The following SLC14A2 variants were observed in gnomAD, a reference collection of about 807,000 sequenced individuals.
SLC14A2 encodes the protein urea transporter 2.
In SLC14A2, 91 loss-of-function variants were observed where a neutral mutation model predicts 104.6. The observed-to-expected ratio is 0.87, with a 90% CI of 0.73 to 1.04. The LOEUF is 1.04. Among genes scored for constraint, SLC14A2 ranks in the 50% least tolerant of loss-of-function variants. The pLI is 0.00. For synonymous variants in SLC14A2, 476 were observed against 466.4 expected, an observed-to-expected ratio of 1.02 and a Z score of -0.27; for missense variants, 1,189 against 1,156.0, an observed-to-expected ratio of 1.03 and a Z score of -0.41.
In SLC14A2 at chr18:45,263,810, C is replaced by A. The variant is rs144862064; in HGVS notation, c.-125+50619C>A. ...GTTTAAAGCACTTTCTTGCTTTTAG[C>A]CACTGCAATATGTTCCAGGATCATT... On this transcript the variant is annotated intron_variant, in intron 1 of 20. Transcript: ENST00000586448. Among the ~76,000 whole-genome samples the A allele has an allele frequency of 3.6e-3, 546 of 152,272 alleles. 4 individuals are homozygous for A. Among genetic ancestry groups the A allele is most frequent in the African/African-American group, 0.013 (521 of 41,562 alleles).
chr18:45,255,452 C>T (rs1345594297), intron 1 of SLC14A2, among the ~76,000 whole-genome samples: 1 of 152,200 alleles, frequency 6.6e-6, no homozygotes, highest in Admixed American at 6.5e-5. Context: ...TCCGGGGCTC[C>T]ATTGTCCAGC....
At chr18:45,563,628 C>T (rs1354201201) in intron 2 of SLC14A2, among the ~76,000 whole-genome samples, 1 of 152,068 alleles carries the variant, frequency 6.6e-6, no homozygotes, top group African/African-American at 2.4e-5. Context: ...TATAATTTTT[C>T]AATATCATTT....
At chr18:45,241,868 C>G (rs1332172335) in intron 1 of SLC14A2, among the ~76,000 whole-genome samples, 2 of 151,976 alleles carry the variant, frequency 1.3e-5, no homozygotes, top group Non-Finnish European at 2.9e-5. Context: ...GTCTCGAACT[C>G]CCGACCTCAG....
intron 1 of SLC14A2, among the ~76,000 whole-genome samples, chr18:45,264,549 TCA>T (rs1251651352): frequency 6.6e-6 from 1 of 152,198 alleles, no homozygotes; most frequent in Non-Finnish European, 1.5e-5. Context: ...TTTAATGGAC[TCA>T]CAGTTCCACA....
intron 1 of SLC14A2, among the ~76,000 whole-genome samples, chr18:45,391,346 T>C (rs6507613): frequency 0.14 from 20,721 of 152,252 alleles, 3,006 homozygotes; most frequent in African/African-American, 0.36. Context: ...TTGGCTTAGT[T>C]CCAAGTCTTT....
chr18:45,590,459 C>A (rs957619106), intron 2 of SLC14A2, among the ~76,000 whole-genome samples: 3 of 152,166 alleles, frequency 2.0e-5, no homozygotes, highest in African/African-American at 7.2e-5. Flanking sequence ...TATTTTCAAA[C>A]AGAACAGGGT....
At chr18:45,564,754 G>C (rs1054947846) in intron 2 of SLC14A2, among the ~76,000 whole-genome samples, 68 of 152,304 alleles carry the variant, frequency 4.5e-4, no homozygotes, top group African/African-American at 1.6e-3. Context: ...GGGCTCTGGA[G>C]TTTAAGCATC....
chr18:45,488,606 C>A (rs1201145577), intron 2 of SLC14A2, among the ~76,000 whole-genome samples: 1 of 152,128 alleles, frequency 6.6e-6, no homozygotes, highest in Non-Finnish European at 1.5e-5. Flanking sequence ...GTCATCTGGC[C>A]CATGAATGTC....
At chr18:45,376,318 TA>T (rs1341312213) in intron 1 of SLC14A2, among the ~76,000 whole-genome samples, 1 of 152,192 alleles carries the variant, frequency 6.6e-6, no homozygotes, top group Non-Finnish European at 1.5e-5. Context: ...CTGCCACAAA[TA>T]AATGCTCAGA....
intron 2 of SLC14A2, among the ~76,000 whole-genome samples, chr18:45,519,641 A>C (rs2144806213): frequency 6.6e-6 from 1 of 152,338 alleles, no homozygotes; most frequent in Non-Finnish European, 1.5e-5. Context: ...AGCACGAAGA[A>C]GGAGGAGAGA....
rs116872311 is a variant in SLC14A2 at position 45,333,719 on chromosome 18, C to T, written c.-125+120528C>T. Among the ~76,000 whole-genome samples the T allele has an allele frequency of 2.5e-3, 375 of 152,244 alleles. 3 individuals carry two copies. In the East Asian group the frequency reaches 0.032, roughly 13 times the overall value. ...ACTTATAGCCAACTAGTCTTTAATA[C>T]GCCTTGTCAAATTAGAAGGCAAGGT... On this transcript the variant is annotated intron_variant, in intron 1 of 20. Transcript: ENST00000586448.
intron 1 of SLC14A2, among the ~76,000 whole-genome samples, chr18:45,366,336 G>A (rs1478426302): frequency 1.3e-5 from 2 of 152,118 alleles, no homozygotes; most frequent in East Asian, 1.9e-4. Context: ...CTCAAGAAAG[G>A]TTTGAGATAA....
chr18:45,318,315 C>T (rs2085150443), intron 1 of SLC14A2, among the ~76,000 whole-genome samples: 1 of 152,066 alleles, frequency 6.6e-6, no homozygotes, highest in East Asian at 1.9e-4. Flanking sequence ...TGAGAGGAGG[C>T]CCAGGTTTGG....
At chr18:45,445,752 C>T (rs1165409600) in intron 1 of SLC14A2, among the ~76,000 whole-genome samples, 5 of 152,106 alleles carry the variant, frequency 3.3e-5, no homozygotes, top group Admixed American at 1.3e-4. Flanking sequence ...AGGCAGTTGC[C>T]TTTATGGCAT....
chr18:45,377,122 T>G (rs749811680), intron 1 of SLC14A2, among the ~76,000 whole-genome samples: 7 of 152,160 alleles, frequency 4.6e-5, no homozygotes, highest in Non-Finnish European at 7.3e-5. Flanking sequence ...CATCTGCAGT[T>G]GCCAAAATCA....
chr18:45,375,735 C>A (rs1170102915), intron 1 of SLC14A2, among the ~76,000 whole-genome samples: 1 of 152,222 alleles, frequency 6.6e-6, no homozygotes, highest in African/African-American at 2.4e-5. Flanking sequence ...TACTGAACCA[C>A]CAGCATTGAG....
At chr18:45,631,900 T>TGAGCCAC (rs2045351458) in intron 4 of SLC14A2, among the ~76,000 whole-genome samples, 1 of 152,248 alleles carries the variant, frequency 6.6e-6, no homozygotes, top group Non-Finnish European at 1.5e-5. Context: ...ATTACAGGCA[T>TGAGCCAC]GAGCCACTGA....
rs200522250 is a variant in SLC14A2 at position 45,644,124 on chromosome 18, A to T, written c.1315A>T (p.Thr439Ser). 6.8e-6 allele frequency: 11 copies of T among 1,614,182 alleles called. No individual in the cohort carries two copies. The highest frequency in any genetic ancestry group is 2.7e-5 in the African/African-American group (2 of 75,054). The change falls in exon 10 of 20, where the codon ACA becomes TCA. Residue 439 changes from threonine (T) to serine (S), a missense_variant. Thr to Ser is a moderately conservative substitution (Grantham distance 58, BLOSUM62 1). Transcript: ENST00000255226. The stretch of plus-strand genomic sequence containing the variant: ...CGAGGCCAACCGCATCTACTACCTG[A>T]CAGTGAAAAGCGGTGAAGAAGAGAA... ...YPEANRIYYL[T>S]VKSGEEEKAP...
chr18:45,338,311 C>T (rs1225941367), intron 1 of SLC14A2, among the ~76,000 whole-genome samples: 2 of 152,112 alleles, frequency 1.3e-5, no homozygotes, highest in Non-Finnish European at 2.9e-5. Context: ...TGCCATTCTC[C>T]TGCCTCAGCC....
Sources: gnomAD v4.1 joint callset for allele counts (sites outside exome capture counted in the v4.1 genomes callset) on GRCh38, gnomAD v4.1.1 for gene constraint, MANE v1.5 for transcripts, NCBI Gene and HGNC (gene_info 2026-07-23, HGNC 2026-07-21) for gene names.